FER1L6: variants seen among roughly 807,000 people sequenced by gnomAD.
FER1L6 encodes fer-1-like protein 6.
FER1L6 carries 177 observed loss-of-function variants against 219.2 expected under a neutral mutation model. The ratio of observed to expected loss-of-function variants is 0.81; its 90% CI spans 0.71 to 0.91. The LOEUF is 0.91. Among genes scored for constraint, FER1L6 ranks in the 40% least tolerant of loss-of-function variants. FER1L6 has a pLI of 0.00. For missense variants in FER1L6, 2,153 were observed against 2,259.9 expected (o/e 0.95, Z 0.96); for synonymous variants, 768 against 824.3 (o/e 0.93, Z 1.17).
chr8:124,047,411 T>A (rs139805157), intron 21 of FER1L6: 1 of 152,236 alleles, frequency 6.6e-6, no homozygotes, highest in Non-Finnish European at 1.5e-5. Flanking sequence ...GTGACTGGTA[T>A]ACAAGTGCCC....
At chr8:124,097,490 G>T in intron 36 of FER1L6, 131 bp downstream of exon 36, 1 of 670,982 alleles carries the variant, frequency 1.5e-6, no homozygotes. Flanking sequence ...CAGTTTTTCA[G>T]GAGCTGGTGG....
chr8:124,095,406 C>G (rs1316167135), intron 35 of FER1L6, among the ~76,000 whole-genome samples: 3 of 152,158 alleles, frequency 2.0e-5, no homozygotes, highest in Non-Finnish European at 2.9e-5. Context: ...AAAAACTTAA[C>G]CCATTGGGTA....
intron 1 of FER1L6, among the ~76,000 whole-genome samples, chr8:123,856,306 A>G (rs9772834): frequency 0.26 from 19,707 of 74,616 alleles, 5,043 homozygotes; most frequent in African/African-American, 0.34. Context: ...ATATATATAT[A>G]TATGTATGTG....
At chr8:123,887,973 T>G (rs1189602344) in intron 1 of FER1L6, among the ~76,000 whole-genome samples, 2 of 152,202 alleles carry the variant, frequency 1.3e-5, no homozygotes, top group African/African-American at 4.8e-5. Flanking sequence ...ACTCTTAGTC[T>G]TGATGAAACA....
In FER1L6 at chr8:124,094,854, G is replaced by A. The variant is rs1464172357; in HGVS notation, c.4553-42G>A. 4 of 1,609,682 alleles carry A rather than the reference G, an allele frequency of 2.5e-6. No individual in the cohort carries two copies. In the South Asian group the frequency reaches 4.4e-5, roughly 18 times the overall value. On this transcript the variant is annotated intron_variant, in intron 34 of 40. Coordinates refer to ENST00000522917, the MANE Select transcript of FER1L6 (RefSeq NM_001039112.2). ...TGTGGCAGCCCATCACTGTCTCCTTGCAGGAACACACATCTGACAAGTTTG... is the reference window on the plus strand; with the variant it reads ...TGTGGCAGCCCATCACTGTCTCCTTACAGGAACACACATCTGACAAGTTTG...
intron 38 of FER1L6, among the ~76,000 whole-genome samples, chr8:124,101,890 T>C (rs981210346): frequency 2.0e-5 from 3 of 152,190 alleles, no homozygotes; most frequent in African/African-American, 7.2e-5. Context: ...CATCAATCAA[T>C]ACATGTAAGA....
intron 39 of FER1L6, among the ~76,000 whole-genome samples, chr8:124,108,371 G>C (rs1822865448): frequency 6.6e-6 from 1 of 152,096 alleles, no homozygotes; most frequent in African/African-American, 2.4e-5. Context: ...TCGTAACCCT[G>C]AAATGAGATA....
chr8:124,075,293 AAAATTGTTTT>A (rs71576720), intron 31 of FER1L6, among the ~76,000 whole-genome samples: 57,534 of 151,758 alleles, frequency 0.38, 10,895 homozygotes, highest in Non-Finnish European at 0.39. Context: ...TTTCTATTTT[AAAATTGTTTT>A]ATTTTTTAAA....
rs117391983 is a variant in FER1L6, at chr8:123,902,848, G to T, written c.-8+50663G>T. 8.2e-3 allele frequency among the ~76,000 whole-genome samples: 1,250 copies of T among 152,118 alleles called. 18 individuals carry two copies. Among genetic ancestry groups the T allele is most frequent in the East Asian group, 0.035 (181 of 5,172 alleles). On this transcript the variant is annotated intron_variant, in intron 1 of 40. Coordinates refer to ENST00000522917, the MANE Select transcript of FER1L6 (RefSeq NM_001039112.2). ...GCTCTTTGTTGCCTGTGTATTTTTT[G>T]TTGTTGTTGTTGTTTTTGCTTTTTA...
At chr8:124,057,580 CTT>C (rs1162536008) in intron 22 of FER1L6, among the ~76,000 whole-genome samples, 1 of 152,034 alleles carries the variant, frequency 6.6e-6, no homozygotes, top group Non-Finnish European at 1.5e-5. Context: ...CCTCTTTTCT[CTT>C]CTCTCCCTTT....
chr8:124,051,144 A>C (rs1820004331), intron 22 of FER1L6, among the ~76,000 whole-genome samples: 2 of 152,156 alleles, frequency 1.3e-5, no homozygotes, highest in African/African-American at 4.8e-5. Context: ...AAAGAGAGAT[A>C]ACCTCTCCCT....
At chr8:123,942,514 T>A (rs910974707) in intron 1 of FER1L6, among the ~76,000 whole-genome samples, 2 of 152,206 alleles carry the variant, frequency 1.3e-5, no homozygotes, top group African/African-American at 4.8e-5. Flanking sequence ...AGGCCAGAAG[T>A]CTGAAGTCAA....
At chr8:124,088,682 T>C (rs957658180) in intron 33 of FER1L6, among the ~76,000 whole-genome samples, 1 of 151,594 alleles carries the variant, frequency 6.6e-6, no homozygotes, top group Middle Eastern at 3.2e-3. Flanking sequence ...TCACTGCTGA[T>C]TATTCAAAAC....
chr8:123,889,746 G>A (rs1389052333), intron 1 of FER1L6, among the ~76,000 whole-genome samples: 2 of 152,158 alleles, frequency 1.3e-5, no homozygotes, highest in East Asian at 3.9e-4. Flanking sequence ...ATTTATGACA[G>A]AAGAAAGGAA....
intron 9 of FER1L6, 98 bp downstream of exon 9, chr8:123,976,182 T>C: frequency 9.3e-7 from 1 of 1,072,730 alleles, no homozygotes; most frequent in Non-Finnish European, 1.3e-6. Context: ...AATTAGGAAG[T>C]GCCTTGAAAG....
chr8:124,000,546 T>C (rs1817359626), intron 12 of FER1L6, among the ~76,000 whole-genome samples: 1 of 152,248 alleles, frequency 6.6e-6, no homozygotes, highest in South Asian at 2.1e-4. Flanking sequence ...TAATCCTGGT[T>C]GCATTACCCA....
chr8:124,086,356 T>C (rs1251489845), intron 33 of FER1L6, among the ~76,000 whole-genome samples: 1 of 152,080 alleles, frequency 6.6e-6, no homozygotes, highest in East Asian at 1.9e-4. Flanking sequence ...TTTGTGTATC[T>C]GTTGTATGTG....
chr8:123,945,008 T>C (rs1441502537), intron 1 of FER1L6, among the ~76,000 whole-genome samples: 1 of 152,244 alleles, frequency 6.6e-6, no homozygotes, highest in Admixed American at 6.5e-5. Context: ...TCTCCACTTC[T>C]GACTTTGCTC....
intron 1 of FER1L6, chr8:123,925,972 T>A (rs1813549698): frequency 6.6e-6 from 1 of 152,190 alleles, no homozygotes; most frequent in Admixed American, 6.5e-5. Flanking sequence ...AGTGCACAAG[T>A]GGCACATCTG....
Sources: allele counts gnomAD v4.1 joint callset (sites outside exome capture counted in the v4.1 genomes callset), GRCh38; gene constraint gnomAD v4.1.1; transcripts MANE v1.5; gene names NCBI Gene and HGNC (gene_info 2026-07-23, HGNC 2026-07-21).